The following MGAT4C variants were observed in gnomAD, a reference collection of about 807,000 sequenced individuals.
MGAT4C encodes alpha-1,3-mannosyl-glycoprotein 4-beta-N-acetylglucosaminyltransferase C.
In MGAT4C, 19 loss-of-function variants were observed where a neutral mutation model predicts 40.1. The ratio of observed to expected loss-of-function variants is 0.47; its 90% CI spans 0.33 to 0.70. The LOEUF is 0.70. Among genes scored for constraint, MGAT4C ranks in the 30% least tolerant of loss-of-function variants. MGAT4C has a pLI of 0.02. For synonymous variants in MGAT4C, 181 were observed against 187.1 expected (o/e 0.97, Z 0.27); for missense variants, 491 against 563.2 (o/e 0.87, Z 1.30).
chr12:86,282,478 C>T (rs2406126), intron 4 of MGAT4C, among the ~76,000 whole-genome samples: 113,432 of 151,834 alleles, frequency 0.75, 43,552 homozygotes, highest in Non-Finnish European at 0.83. Context: ...TGTTAATTTA[C>T]TGTGTTTATA....
intron 2 of MGAT4C, among the ~76,000 whole-genome samples, chr12:86,540,302 G>C (rs1385029518): frequency 6.6e-6 from 1 of 152,164 alleles, no homozygotes; most frequent in Admixed American, 6.5e-5. Context: ...AAAATGTTGA[G>C]AGACTGAGGA....
Position 86,241,345 on chromosome 12 carries a change from G to A in MGAT4C, c.-57+14894C>T, listed in dbSNP as rs191250559. On this transcript the variant is annotated intron_variant, in intron 1 of 4. Coordinates refer to ENST00000611864, the MANE Select transcript of MGAT4C (RefSeq NM_001351288.2). ...TTTCTCATCCCATCTTTACTACTAC[G>A]GAAGCAAAACGACAATTTTCCAAGT... Among the ~76,000 whole-genome samples, 21 of 152,022 alleles carry A rather than the reference G, an allele frequency of 1.4e-4. No homozygotes were observed. In the East Asian group the frequency reaches 3.5e-3, roughly 25 times the overall value.
intron 1 of MGAT4C, among the ~76,000 whole-genome samples, chr12:86,087,850 G>A (rs1872166192): frequency 6.6e-6 from 1 of 151,564 alleles, no homozygotes; most frequent in Non-Finnish European, 1.5e-5. Flanking sequence ...AACTAACAAC[G>A]ATACTCTTCA....
intron 1 of MGAT4C, among the ~76,000 whole-genome samples, chr12:86,156,966 T>G (rs1885020728): frequency 6.6e-6 from 1 of 152,116 alleles, no homozygotes; most frequent in Non-Finnish European, 1.5e-5. Context: ...CCCATCCCCC[T>G]CCTGGTGTGT....
Position 86,755,575 on chromosome 12 carries a change from T to C in MGAT4C, c.-261-28334A>G, listed in dbSNP as rs568436598. 2.3e-4 allele frequency among the ~76,000 whole-genome samples: 34 copies of C among 150,692 alleles called. No individual in the cohort carries two copies. The South Asian group carries it at 7.2e-3, about 32-fold the overall frequency. On this transcript the variant is annotated intron_variant, in intron 1 of 7. Transcript: ENST00000548651. ...TTCTTTTCTCTTTTTCTTTCTTTCT[T>C]TTTTTTTCTTTTCTTTCTCTCTTTC...
At chr12:86,793,503 A>G (rs182859522) in intron 1 of MGAT4C, among the ~76,000 whole-genome samples, 4 of 152,130 alleles carry the variant, frequency 2.6e-5, no homozygotes, top group African/African-American at 9.6e-5. Context: ...ATGAATGAAC[A>G]TTTTTACTAA....
At chr12:86,766,671 T>G (rs1951514985) in intron 1 of MGAT4C, among the ~76,000 whole-genome samples, 1 of 151,726 alleles carries the variant, frequency 6.6e-6, no homozygotes, top group Non-Finnish European at 1.5e-5. Context: ...AAACTATCTC[T>G]CAGACCACAG....
intron 2 of MGAT4C, among the ~76,000 whole-genome samples, chr12:86,526,029 CAGT>C (rs1958874451): frequency 6.6e-6 from 1 of 152,202 alleles, no homozygotes; most frequent in Non-Finnish European, 1.5e-5. Context: ...TTATTCAAAA[CAGT>C]GGTGGATACA....
chr12:86,239,082 C>T (rs904513620), intron 1 of MGAT4C, among the ~76,000 whole-genome samples: 2 of 151,840 alleles, frequency 1.3e-5, no homozygotes, highest in Non-Finnish European at 2.9e-5. Context: ...TGGCATTCGG[C>T]GAGTGTTCTT....
chr12:86,294,831 G>A (rs896037891), intron 4 of MGAT4C, among the ~76,000 whole-genome samples: 1 of 152,134 alleles, frequency 6.6e-6, no homozygotes, highest in Non-Finnish European at 1.5e-5. Flanking sequence ...TTCCAAGATT[G>A]CAAATTCACC....
intron 1 of MGAT4C, among the ~76,000 whole-genome samples, chr12:86,736,188 C>T (rs1286805416): frequency 4.0e-5 from 6 of 151,806 alleles, no homozygotes; most frequent in African/African-American, 1.2e-4. Flanking sequence ...AACTCCAAAA[C>T]TAACTTCTGT....
At chr12:86,286,974 T>C (rs903207744) in intron 4 of MGAT4C, among the ~76,000 whole-genome samples, 3 of 152,190 alleles carry the variant, frequency 2.0e-5, no homozygotes, top group Non-Finnish European at 4.4e-5. Flanking sequence ...ATATTTGCTT[T>C]ATCCAGTCTA....
intron 3 of MGAT4C, among the ~76,000 whole-genome samples, chr12:86,381,074 C>T (rs1182262950): frequency 6.6e-6 from 1 of 152,028 alleles, no homozygotes; most frequent in East Asian, 1.9e-4. Context: ...CAGTTATGAG[C>T]AGGTGAACAG....
At chr12:86,700,158 C>CAGATAGAT (rs1372373806) in intron 2 of MGAT4C, among the ~76,000 whole-genome samples, 22 of 26,836 alleles carry the variant, frequency 8.2e-4, no homozygotes, top group South Asian at 1.6e-3. Context: ...GACAGACAGA[C>CAGATAGAT]AGACAGACAG....
At chr12:86,448,019 G>C (rs1214113780) in intron 2 of MGAT4C, among the ~76,000 whole-genome samples, 1 of 152,144 alleles carries the variant, frequency 6.6e-6, no homozygotes, top group African/African-American at 2.4e-5. Context: ...TTGGCCAATG[G>C]TGCATGATTG....
chr12:86,440,820 A>G (rs943343466), intron 2 of MGAT4C, among the ~76,000 whole-genome samples: 4 of 152,108 alleles, frequency 2.6e-5, no homozygotes, highest in Non-Finnish European at 5.9e-5. Flanking sequence ...CTGCACTTCT[A>G]TATGCCAATA....
intron 4 of MGAT4C, among the ~76,000 whole-genome samples, chr12:86,329,252 A>T (rs1040690768): frequency 6.6e-6 from 1 of 152,110 alleles, no homozygotes; most frequent in Non-Finnish European, 1.5e-5. Context: ...CAAAAATAAT[A>T]GAAAAATTTG....
chr12:86,270,311 C>T (rs1334297368), intron 4 of MGAT4C, among the ~76,000 whole-genome samples: 1 of 151,980 alleles, frequency 6.6e-6, no homozygotes, highest in African/African-American at 2.4e-5. Context: ...GAACTCCTGA[C>T]CTCAGGTGAT....
intron 2 of MGAT4C, among the ~76,000 whole-genome samples, chr12:86,639,130 C>G (rs1188057207): frequency 6.6e-6 from 1 of 151,702 alleles, no homozygotes; most frequent in Non-Finnish European, 1.5e-5. Flanking sequence ...ACACTCTGCT[C>G]TCTGTTGCAC....
Sources: gnomAD v4.1 joint callset for allele counts (sites outside exome capture counted in the v4.1 genomes callset) on GRCh38, gnomAD v4.1.1 for gene constraint, MANE v1.5 for transcripts, NCBI Gene and HGNC (gene_info 2026-07-23, HGNC 2026-07-21) for gene names.